The following NBEA variants were observed in gnomAD, a reference collection of about 807,000 sequenced individuals.
NBEA encodes lysosomal-trafficking regulator 2.
A neutral mutation model predicts 343.4 loss-of-function variants in NBEA; 44 were observed. That is an observed-to-expected ratio of 0.13 (90% CI 0.10 to 0.16). The LOEUF is 0.16. Among genes scored for constraint, NBEA ranks in the 10% least tolerant of loss-of-function variants. The pLI, the probability that NBEA is intolerant of heterozygous loss-of-function variation, is 1.00. For missense variants in NBEA, 2,555 were observed against 3,631.3 expected, an observed-to-expected ratio of 0.70 and a Z score of 7.62; for synonymous variants, 1,175 against 1,238.7, an observed-to-expected ratio of 0.95 and a Z score of 1.08.
intron 38 of NBEA, among the ~76,000 whole-genome samples, chr13:35,428,132 C>T (rs1421534634): frequency 1.3e-5 from 2 of 152,124 alleles, no homozygotes; most frequent in East Asian, 1.9e-4. Flanking sequence ...ATCCGCTGCA[C>T]CCACTGTCCT....
chr13:35,015,178 A>G (rs1324918628), intron 1 of NBEA, among the ~76,000 whole-genome samples: 1 of 149,614 alleles, frequency 6.7e-6, no homozygotes, highest in Non-Finnish European at 1.5e-5. Context: ...GCAGGGGCCT[A>G]GATCTCTTTC....
chr13:35,442,594 A>G lies in NBEA; in HGVS notation c.6305-9498A>G, dbSNP rs542425256. ...ACATTTCATACTTATATAGTGCTTC[A>G]CTTAAATTCAATAATATTTTCTTGC... On this transcript the variant is annotated intron_variant, in intron 39 of 58. Coordinates refer to ENST00000379939, the MANE Select transcript of NBEA (RefSeq NM_001385012.1). 4.3e-4 allele frequency among the ~76,000 whole-genome samples: 66 copies of G among 152,270 alleles called. 1 individual carries two copies. The highest frequency in any genetic ancestry group is 3.4e-3 in the Middle Eastern group (1 of 294).
At chr13:35,467,424 A>G (rs2075433072) in intron 40 of NBEA, among the ~76,000 whole-genome samples, 1 of 152,020 alleles carries the variant, frequency 6.6e-6, no homozygotes, top group Admixed American at 6.6e-5. Flanking sequence ...TGAGCCAGAG[A>G]TCATGCCACT....
chr13:34,959,346 A>C (rs1271434369), intron 1 of NBEA, among the ~76,000 whole-genome samples: 2 of 152,048 alleles, frequency 1.3e-5, no homozygotes, highest in Non-Finnish European at 2.9e-5. Context: ...TCCACCTGGC[A>C]GACAGGAAGC....
At chr13:35,067,954 T>C (rs1364935436) in intron 8 of NBEA, among the ~76,000 whole-genome samples, 1 of 152,062 alleles carries the variant, frequency 6.6e-6, no homozygotes, top group African/African-American at 2.4e-5. Context: ...TCCAGGCTGA[T>C]CTCAAACTCC....
At chr13:34,982,553 G>A (rs1035148087) in intron 1 of NBEA, among the ~76,000 whole-genome samples, 6 of 151,982 alleles carry the variant, frequency 3.9e-5, no homozygotes, top group South Asian at 4.2e-4. Flanking sequence ...CTCCTGCCTC[G>A]GCCTCCCAAA....
At chr13:34,986,650 T>A in intron 1 of NBEA, among the ~76,000 whole-genome samples, 1 of 150,750 alleles carries the variant, frequency 6.6e-6, no homozygotes, top group Non-Finnish European at 1.5e-5. Context: ...AAGTCTCCCA[T>A]TATTATTGTG....
chr13:35,124,658 A>G (rs931022354), intron 17 of NBEA, among the ~76,000 whole-genome samples: 7 of 150,762 alleles, frequency 4.6e-5, no homozygotes, highest in Non-Finnish European at 8.9e-5. Flanking sequence ...ATATACACAC[A>G]CATATATGTG....
chr13:35,568,384 C>A (rs1378174490), intron 45 of NBEA, among the ~76,000 whole-genome samples: 2 of 152,124 alleles, frequency 1.3e-5, no homozygotes, highest in Non-Finnish European at 2.9e-5. Context: ...CAAATGAATT[C>A]TAATACGCTT....
chr13:35,662,487 G>A (rs1226009123), intron 55 of NBEA, among the ~76,000 whole-genome samples: 6 of 152,134 alleles, frequency 3.9e-5, no homozygotes, highest in Non-Finnish European at 8.8e-5. Flanking sequence ...CCCTAGCAAC[G>A]AAATGAAATA....
chr13:35,190,832 C>T (rs1198838650), intron 30 of NBEA, among the ~76,000 whole-genome samples: 1 of 152,090 alleles, frequency 6.6e-6, no homozygotes, highest in African/African-American at 2.4e-5. Flanking sequence ...ACTAGACGGA[C>T]ACTTTAAACC....
chr13:35,455,078 A>G lies in NBEA; in HGVS notation c.6448+2843A>G, dbSNP rs541576711. Among the ~76,000 whole-genome samples, 596 of 152,120 alleles carry G rather than the reference A, an allele frequency of 3.9e-3. 1 individual carries two copies. Among genetic ancestry groups the G allele is most frequent in the Non-Finnish European group, 6.5e-3 (442 of 67,964 alleles). On this transcript the variant is annotated intron_variant, in intron 40 of 58. Coordinates refer to ENST00000379939, the MANE Select transcript of NBEA (RefSeq NM_001385012.1). ...TGCATATTATTAGTATGAGAAATGT[A>G]CTTTCAAATATATAAAAGTAATTAG... is the stretch of plus-strand genomic sequence containing the variant.
intron 38 of NBEA, among the ~76,000 whole-genome samples, chr13:35,352,948 G>A (rs2040268815): frequency 6.6e-6 from 1 of 152,062 alleles, no homozygotes. Context: ...TCTATACAAT[G>A]AAGTTTTCTG....
At chr13:35,350,196 G>A (rs1361476814) in intron 37 of NBEA, among the ~76,000 whole-genome samples, 2 of 152,100 alleles carry the variant, frequency 1.3e-5, no homozygotes, top group African/African-American at 2.4e-5. Flanking sequence ...GAGGATATAA[G>A]CAGATCAATA....
chr13:35,048,803 A>G (rs374504017), intron 5 of NBEA, 119 bp downstream of exon 5: 97 of 540,742 alleles, frequency 1.8e-4, no homozygotes, highest in African/African-American at 1.7e-3. Flanking sequence ...TATATGCTAG[A>G]ACTGTGAAGA....
chr13:35,221,491 T>C (rs1317152184), intron 33 of NBEA, among the ~76,000 whole-genome samples: 1 of 152,180 alleles, frequency 6.6e-6, no homozygotes, highest in African/African-American at 2.4e-5. Flanking sequence ...TGTGTTACTT[T>C]TGGTATTCAA....
chr13:35,048,733 T>C (rs1224090273), intron 5 of NBEA, 49 bp downstream of exon 5: 1 of 1,044,796 alleles, frequency 9.6e-7, no homozygotes, highest in Admixed American at 2.4e-5. Context: ...GTACTTGAAT[T>C]CTATAAATGT....
At chr13:35,062,692 A>AT (rs2063509106) in intron 8 of NBEA, among the ~76,000 whole-genome samples, 1 of 151,900 alleles carries the variant, frequency 6.6e-6, no homozygotes, top group African/African-American at 2.4e-5. Context: ...AAAATCCTTA[A>AT]AGTTCTGAAA....
chr13:35,126,842 C>T (rs1439799982), intron 17 of NBEA, among the ~76,000 whole-genome samples: 4 of 148,684 alleles, frequency 2.7e-5, no homozygotes, highest in African/African-American at 7.4e-5. Context: ...TGCTTCAACC[C>T]GGGAGGTGGA....
Sources: gnomAD v4.1 joint callset for allele counts (sites outside exome capture counted in the v4.1 genomes callset) on GRCh38, gnomAD v4.1.1 for gene constraint, MANE v1.5 for transcripts, NCBI Gene and HGNC (gene_info 2026-07-23, HGNC 2026-07-21) for gene names.